SYNE3: variants seen among roughly 807,000 people sequenced by gnomAD.
SYNE3 encodes nesprin-3.
In SYNE3, 100 loss-of-function variants were observed where a neutral mutation model predicts 111.2. That is an observed-to-expected ratio of 0.90 (90% CI 0.77 to 1.06). SYNE3 has a LOEUF of 1.06. Ranked by LOEUF, SYNE3 falls within the 50% of genes least tolerant of loss-of-function variation. The pLI is 0.00. For synonymous variants in SYNE3, 547 were observed against 533.9 expected (o/e 1.02, Z -0.34); for missense variants, 1,160 against 1,240.3 (o/e 0.94, Z 0.97).
At chr14:95,450,984 A>G (rs920447703) in intron 7 of SYNE3, 1 of 152,254 alleles carries the variant, frequency 6.6e-6, no homozygotes, top group African/African-American at 2.4e-5. Context: ...CAAAGTTTTA[A>G]AAAACAAATA....
At chr14:95,471,482 G>A (rs949196738) in intron 2 of SYNE3, among the ~76,000 whole-genome samples, 1 of 152,200 alleles carries the variant, frequency 6.6e-6, no homozygotes, top group Non-Finnish European at 1.5e-5. Flanking sequence ...AGAGGAGCTG[G>A]CTGGTCCAAA....
intron 17 of SYNE3, among the ~76,000 whole-genome samples, chr14:95,421,182 T>C (rs1203106325): frequency 6.6e-6 from 1 of 152,166 alleles, no homozygotes; most frequent in Non-Finnish European, 1.5e-5. Flanking sequence ...GGTATGTCTT[T>C]ATCAGCAGCA....
intron 1 of SYNE3, among the ~76,000 whole-genome samples, chr14:95,511,473 G>A (rs1332015736): frequency 1.3e-5 from 2 of 152,084 alleles, no homozygotes; most frequent in African/African-American, 4.8e-5. Context: ...GACCGAGGTG[G>A]GTGGATCACG....
chr14:95,443,674 TCTCA>T (rs977672033), intron 10 of SYNE3: 22 of 161,586 alleles, frequency 1.4e-4, no homozygotes, highest in African/African-American at 4.3e-4. Context: ...GGAGACAGAG[TCTCA>T]CTCTGTCGCC....
intron 15 of SYNE3, among the ~76,000 whole-genome samples, chr14:95,434,306 G>C (rs1190333580): frequency 1.3e-5 from 2 of 152,216 alleles, no homozygotes; most frequent in Admixed American, 6.5e-5. Context: ...GTTCAGATCT[G>C]CTTTTGCCCA....
At chr14:95,510,531 T>C (rs560801639) in intron 1 of SYNE3, among the ~76,000 whole-genome samples, 1 of 152,210 alleles carries the variant, frequency 6.6e-6, no homozygotes, top group African/African-American at 2.4e-5. Context: ...TCGGGTTTGG[T>C]GGCTCATGCC....
intron 8 of SYNE3, among the ~76,000 whole-genome samples, chr14:95,448,701 A>G (rs750503288): frequency 3.0e-4 from 45 of 152,356 alleles, no homozygotes; most frequent in South Asian, 1.4e-3. Flanking sequence ...ACAAAAAGCC[A>G]CGAAGAGAGA....
At chr14:95,420,558 A>G (rs184052791) in intron 17 of SYNE3, among the ~76,000 whole-genome samples, 2 of 152,262 alleles carry the variant, frequency 1.3e-5, no homozygotes, top group Non-Finnish European at 2.9e-5. Flanking sequence ...TTATACATAC[A>G]AGTGTTGACA....
Position 95,449,967 on chromosome 14 carries a change from G to C in SYNE3, c.1413C>G (p.Asp471Glu). The C allele has an allele frequency of 5.1e-6, 8 of 1,555,036 alleles. No individual in the cohort carries two copies. Among genetic ancestry groups the C allele is most frequent in the Non-Finnish European group, 7.0e-6 (8 of 1,148,996 alleles). The part of the protein sequence containing the change: ...RLLEVTASLP[D>E]LPSLHTFLPQ... ...GCAGGAAGGTGTGAAGGGAAGGCAG[G>C]TCCGGCAGGCTGGCAGTGACCTCCA... The change falls in exon 8 of 18, where the codon GAC (aspartate) becomes GAG (glutamate). Residue 471 changes from aspartate (D) to glutamate (E), a missense_variant. Physicochemically the swap from Asp to Glu is conservative, Grantham distance 45. Coordinates refer to ENST00000682763, the MANE Select transcript of SYNE3 (RefSeq NM_152592.6).
intron 4 of SYNE3, among the ~76,000 whole-genome samples, chr14:95,458,014 C>T (rs1887574336): frequency 6.6e-6 from 1 of 152,212 alleles, no homozygotes; most frequent in Admixed American, 6.5e-5. Flanking sequence ...GGAATCATCT[C>T]TATTTTCAGC....
chr14:95,419,006 C>T (rs1884920042), intron 17 of SYNE3, among the ~76,000 whole-genome samples: 2 of 152,152 alleles, frequency 1.3e-5, no homozygotes. Flanking sequence ...CCATCAGTAT[C>T]ACATGAAGGT....
intron 3 of SYNE3, among the ~76,000 whole-genome samples, chr14:95,466,508 T>TC (rs1888188664): frequency 6.6e-6 from 1 of 152,050 alleles, no homozygotes; most frequent in Non-Finnish European, 1.5e-5. Context: ...CCAAACTTCC[T>TC]CCCAGAACCA....
Position 95,439,603 on chromosome 14 carries a change from C to T in SYNE3, c.2246+9G>A, listed in dbSNP as rs1195715391. 6.2e-7 allele frequency: 1 copy of T among 1,606,456 alleles called. No individual in the cohort carries two copies. The highest frequency in any genetic ancestry group is 2.2e-5 in the East Asian group (1 of 44,880). On this transcript the variant is annotated intron_variant, in intron 13 of 17. Coordinates refer to ENST00000682763, the MANE Select transcript of SYNE3 (RefSeq NM_152592.6). The stretch of plus-strand genomic sequence containing the variant: ...CAGACAACGCTCAGAGCCTAGGAGG[C>T]ACTCTCACCTCAGCAGACTTTCTTC...
At chr14:95,508,046 C>G (rs1310469445) in intron 1 of SYNE3, among the ~76,000 whole-genome samples, 1 of 152,210 alleles carries the variant, frequency 6.6e-6, no homozygotes, top group African/African-American at 2.4e-5. Flanking sequence ...GGCTGAGTGA[C>G]TCACCACTTC....
At chr14:95,467,034 C>T (rs1406926311) in intron 3 of SYNE3, among the ~76,000 whole-genome samples, 4 of 152,210 alleles carry the variant, frequency 2.6e-5, no homozygotes, top group Non-Finnish European at 4.4e-5. Flanking sequence ...CTTCACATGC[C>T]TTAGTTTCTC....
chr14:95,426,562 G>A (rs1885436833), intron 17 of SYNE3, among the ~76,000 whole-genome samples: 1 of 152,124 alleles, frequency 6.6e-6, no homozygotes, highest in South Asian at 2.1e-4. Flanking sequence ...CACAGTGCCT[G>A]ACACACAAGA....
chr14:95,514,335 C>A (rs999758920), intron 1 of SYNE3, among the ~76,000 whole-genome samples: 2 of 152,172 alleles, frequency 1.3e-5, no homozygotes, highest in Non-Finnish European at 2.9e-5. Context: ...GGGTCAAGAG[C>A]CTCCTGCCCT....
chr14:95,473,579 G>T (rs1287847885), intron 2 of SYNE3, among the ~76,000 whole-genome samples: 1 of 152,162 alleles, frequency 6.6e-6, no homozygotes, highest in Non-Finnish European at 1.5e-5. Flanking sequence ...GGCGGTGGAA[G>T]GTCTACGAGG....
intron 1 of SYNE3, among the ~76,000 whole-genome samples, chr14:95,489,109 A>G (rs12891762): frequency 0.08 from 12,241 of 152,294 alleles, 657 homozygotes; most frequent in Admixed American, 0.18. Flanking sequence ...ACCTGCTCCA[A>G]TTCTCAGGGT....
Sources: gnomAD v4.1 joint callset for allele counts (sites outside exome capture counted in the v4.1 genomes callset) on GRCh38, gnomAD v4.1.1 for gene constraint, MANE v1.5 for transcripts, NCBI Gene and HGNC (gene_info 2026-07-23, HGNC 2026-07-21) for gene names.